Variants in NCAPH observed in about 807,000 individuals in gnomAD.
NCAPH encodes the protein non-SMC condensin I complex subunit H, also known as condensin complex subunit 2.
Under a neutral mutation model 85.5 loss-of-function variants are expected in NCAPH, and 38 were observed. That is an observed-to-expected ratio of 0.44 (90% confidence interval 0.34 to 0.58). NCAPH has a LOEUF of 0.58. Among genes scored for constraint, NCAPH ranks in the 20% least tolerant of loss-of-function variants. The pLI, the probability that NCAPH is intolerant of heterozygous loss-of-function variation, is 0.01. For synonymous variants in NCAPH, 301 were observed against 335.1 expected (o/e 0.90, Z 1.11); for missense variants, 789 against 916.6 (o/e 0.86, Z 1.80).
rs1227348468 is a variant in NCAPH at position 96,368,965 on chromosome 2, C to T, written c.1999-7C>T. 2.6e-6 allele frequency: 4 copies of T among 1,552,302 alleles called. No homozygotes were observed. The highest frequency in any genetic ancestry group is 1.2e-5 in the South Asian group (1 of 84,054). On this transcript the variant is annotated splice_polypyrimidine_tract_variant and splice_region_variant and intron_variant, in intron 15 of 17. Coordinates refer to ENST00000240423, the MANE Select transcript of NCAPH (RefSeq NM_015341.5). Reference sequence around the variant, plus strand: ...AACTGTCCGATGTATAAATGTGCTTCTGTTAGGCAAACCACAGGGAAGCTG... The same window carrying T: ...AACTGTCCGATGTATAAATGTGCTTTTGTTAGGCAAACCACAGGGAAGCTG...
Position 96,353,346 on chromosome 2 carries a change from T to G in NCAPH, c.951T>G (p.Pro317=), listed in dbSNP as rs1260580913. The G allele has an allele frequency of 4.3e-6, 7 of 1,614,242 alleles. No homozygotes were observed. The highest frequency in any genetic ancestry group is 1.6e-4 in the Middle Eastern group (1 of 6,062). Residue 317 remains proline, a synonymous_variant, in exon 8 of 18, where the codon CCT becomes CCG. Coordinates refer to ENST00000240423, the MANE Select transcript of NCAPH (RefSeq NM_015341.5). ...GTGCAGAAGATCGCCAGATCTGCCCTTCCCTGGCCGGGTTCCAGTTTACAC... is the reference window on the plus strand; with the variant it reads ...GTGCAGAAGATCGCCAGATCTGCCCGTCCCTGGCCGGGTTCCAGTTTACAC... The part of the protein sequence containing the change: ...QQCAEDRQIC[P]SLAGFQFTQW...
intron 9 of NCAPH, among the ~76,000 whole-genome samples, chr2:96,358,661 C>T (rs112566500): frequency 3.9e-5 from 6 of 151,922 alleles, no homozygotes; most frequent in Admixed American, 2.0e-4. Flanking sequence ...GTAGAGACGG[C>T]GTTTCACTGT....
At chr2:96,349,822 C>T (rs2064413082) in intron 6 of NCAPH, among the ~76,000 whole-genome samples, 1 of 152,156 alleles carries the variant, frequency 6.6e-6, no homozygotes, top group Non-Finnish European at 1.5e-5. Context: ...GATTATGCTT[C>T]AGTTCTTTAT....
chr2:96,335,849 G>C lies in NCAPH; in HGVS notation c.19+1G>C. The C allele has an allele frequency of 6.7e-7, 1 of 1,491,752 alleles. No individual in the cohort carries two copies. The highest frequency in any genetic ancestry group is 8.9e-7 in the Non-Finnish European group (1 of 1,124,404). The allele number at this position is 1,491,752 out of a possible 1,614,324, so 92.4% of individuals were successfully genotyped here. ...GGAAAGATGGGACCTCCCGGCCCAG[G>C]TGAGCCGGGCGGTCGGGAGGCGCGG... On this transcript the variant is annotated splice_donor_variant, in intron 1 of 17. Transcript: ENST00000240423. LOFTEE classifies it high-confidence loss of function.
intron 6 of NCAPH, among the ~76,000 whole-genome samples, chr2:96,344,654 G>A (rs1468367455): frequency 6.6e-6 from 1 of 152,084 alleles, no homozygotes; most frequent in Non-Finnish European, 1.5e-5. Context: ...TGCCTGAAAC[G>A]ACACATCTAG....
At chr2:96,343,015 T>C in intron 4 of NCAPH, 151 bp from the exon 5 acceptor site, 4 of 1,173,934 alleles carry the variant, frequency 3.4e-6, no homozygotes, top group Non-Finnish European at 4.8e-6. Flanking sequence ...AGAGAGAATA[T>C]ATATTCTGTT....
chr2:96,351,142 G>A (rs1374940484), intron 6 of NCAPH, among the ~76,000 whole-genome samples: 4 of 152,152 alleles, frequency 2.6e-5, no homozygotes, highest in African/African-American at 9.7e-5. Context: ...CTGTTCAGAG[G>A]AACAATAGAG....
At position 96,351,557 on chromosome 2, in the gene NCAPH, A is replaced by G. The variant is rs185688832; in HGVS notation, c.721-274A>G. ...AGTGGTGCGTACCTGTAGTCCCACT[A>G]CTCTGGAGGCTGAGGCCCAAGAATC... On this transcript the variant is annotated intron_variant, in intron 6 of 17. Transcript: ENST00000240423. 1.9e-4 allele frequency among the ~76,000 whole-genome samples: 28 copies of G among 151,230 alleles called. No homozygotes were observed. The East Asian group carries it at 4.9e-3, about 26-fold the overall frequency.
intron 1 of NCAPH, among the ~76,000 whole-genome samples, chr2:96,337,165 A>G (rs1213427177): frequency 6.6e-6 from 1 of 152,248 alleles, no homozygotes; most frequent in Non-Finnish European, 1.5e-5. Flanking sequence ...TATCAAAGGC[A>G]AGGAGAGAAA....
At chr2:96,336,120 C>G (rs967707883) in intron 1 of NCAPH, among the ~76,000 whole-genome samples, 1 of 151,778 alleles carries the variant, frequency 6.6e-6, no homozygotes, top group East Asian at 1.9e-4. Flanking sequence ...CCCGGGCGGG[C>G]GGTGGGGCGG....
At chr2:96,346,596 A>G (rs1471101266) in intron 6 of NCAPH, among the ~76,000 whole-genome samples, 1 of 152,130 alleles carries the variant, frequency 6.6e-6, no homozygotes. Context: ...CTCGGAAGAC[A>G]GGGGAATGAG....
At chr2:96,364,647 C>T in intron 13 of NCAPH, 56 bp downstream of exon 13, 1 of 1,245,334 alleles carries the variant, frequency 8.0e-7, no homozygotes. Flanking sequence ...TCGTTTTTCT[C>T]TGCTTCTCAT....
intron 17 of NCAPH, among the ~76,000 whole-genome samples, chr2:96,369,827 A>AT (rs1166964415): frequency 6.6e-6 from 1 of 152,260 alleles, no homozygotes; most frequent in Non-Finnish European, 1.5e-5. Flanking sequence ...AAAGCCTAGT[A>AT]GTACCAAAGT....
chr2:96,354,540 T>G, intron 9 of NCAPH, 152 bp downstream of exon 9: 1 of 654,122 alleles, frequency 1.5e-6, no homozygotes, highest in Non-Finnish European at 2.3e-6. Flanking sequence ...CCCAGGCTGG[T>G]CTTGAACTCT....
intron 6 of NCAPH, among the ~76,000 whole-genome samples, chr2:96,348,514 G>A (rs2064392072): frequency 6.6e-6 from 1 of 151,374 alleles, no homozygotes; most frequent in Non-Finnish European, 1.5e-5. Context: ...TTTAAACATG[G>A]TGATATGCTA....
At chr2:96,366,351 G>A (rs1361930103) in intron 14 of NCAPH, among the ~76,000 whole-genome samples, 2 of 152,218 alleles carry the variant, frequency 1.3e-5, no homozygotes, top group African/African-American at 2.4e-5. Context: ...TGCTAATTCA[G>A]CAAGGCTAGC....
At chr2:96,365,021 G>A (rs1264143921) in intron 13 of NCAPH, among the ~76,000 whole-genome samples, 4 of 152,128 alleles carry the variant, frequency 2.6e-5, no homozygotes, top group Admixed American at 2.6e-4. Flanking sequence ...GTGTATCTCA[G>A]ATGACCAGAT....
chr2:96,373,369 C>A lies in NCAPH; in HGVS notation c.*18C>A. 1.2e-6 allele frequency: 2 copies of A among 1,610,824 alleles called. No individual in the cohort carries two copies. The highest frequency in any genetic ancestry group is 1.1e-5 in the South Asian group (1 of 90,788). On this transcript the variant is annotated 3_prime_UTR_variant, in exon 18 of 18. Transcript: ENST00000240423. Reference sequence around the variant, plus strand: ...GAGATTGAGTTCACTATGGAGAAGTCAGCAGCAGGAGGCCCATCCCTTACT... The same window carrying A: ...GAGATTGAGTTCACTATGGAGAAGTAAGCAGCAGGAGGCCCATCCCTTACT...
At chr2:96,336,784 A>G (rs1401631909) in intron 1 of NCAPH, among the ~76,000 whole-genome samples, 2 of 152,246 alleles carry the variant, frequency 1.3e-5, no homozygotes, top group Admixed American at 6.5e-5. Context: ...CCATTAGACC[A>G]TAAAACCATG....
Sources: gnomAD v4.1 joint callset for allele counts (sites outside exome capture counted in the v4.1 genomes callset) on GRCh38, gnomAD v4.1.1 for gene constraint, MANE v1.5 for transcripts, NCBI Gene and HGNC (gene_info 2026-07-23, HGNC 2026-07-21) for gene names.